The following KIF27 variants were observed in gnomAD, a reference collection of about 807,000 sequenced individuals.
KIF27 encodes the protein kinesin family member 27.
Under a neutral mutation model 141.8 loss-of-function variants are expected in KIF27, and 84 were observed. The observed-to-expected ratio is 0.59, with a 90% CI of 0.50 to 0.71. The LOEUF is 0.71. Among genes scored for constraint, KIF27 ranks in the 30% least tolerant of loss-of-function variants. KIF27 has a pLI of 0.00. For synonymous variants in KIF27, 471 were observed against 569.5 expected (o/e 0.83, Z 2.46); for missense variants, 1,306 against 1,628.4 (o/e 0.80, Z 3.41).
At chr9:83,851,795 T>C (rs1235107067) in intron 15 of KIF27, among the ~76,000 whole-genome samples, 5 of 152,144 alleles carry the variant, frequency 3.3e-5, no homozygotes, top group Non-Finnish European at 4.4e-5. Context: ...GTTCCCAGGA[T>C]CAGAAAATCC....
chr9:83,843,389 C>A (rs1946816060), intron 16 of KIF27, among the ~76,000 whole-genome samples: 1 of 150,062 alleles, frequency 6.7e-6, no homozygotes, highest in Non-Finnish European at 1.5e-5. Context: ...TGCTCTTGAA[C>A]CAGTGAAATC....
intron 11 of KIF27, among the ~76,000 whole-genome samples, chr9:83,874,300 C>T (rs938669902): frequency 2.6e-5 from 4 of 152,116 alleles, no homozygotes; most frequent in African/African-American, 9.7e-5. Flanking sequence ...TAAGATCACA[C>T]CACCACCCAC....
chr9:83,845,633 A>G (rs886783102), intron 16 of KIF27, among the ~76,000 whole-genome samples: 8 of 152,340 alleles, frequency 5.3e-5, no homozygotes, highest in South Asian at 2.1e-4. Context: ...CCTTTCTAGG[A>G]CATCCCTGAA....
chr9:83,903,386 T>TCAC lies in KIF27; in HGVS notation c.1131_1132insGTG (p.Val377dup). ...TCTCGATTGATCTGGGTAGTTTGGC[T>TCAC]GACACCAGCCTGCTGGCTTTGCAAA... On this transcript the variant is annotated inframe_insertion, in exon 4 of 18. Coordinates refer to ENST00000297814, the MANE Select transcript of KIF27 (RefSeq NM_017576.4). 1 of 1,614,116 alleles carries TCAC rather than the reference T, an allele frequency of 6.2e-7. No homozygotes were observed. Among genetic ancestry groups the TCAC allele is most frequent in the Non-Finnish European group, 8.5e-7 (1 of 1,180,032 alleles).
Position 83,842,369 on chromosome 9 carries a change from T to C in KIF27, c.3589A>G (p.Lys1197Glu). 1 of 1,529,818 alleles carries C rather than the reference T, an allele frequency of 6.5e-7. No individual in the cohort carries two copies. Among genetic ancestry groups the C allele is most frequent in the Non-Finnish European group, 8.7e-7 (1 of 1,146,424 alleles). 94.8% of individuals were successfully genotyped at this position (1,529,818 alleles called of 1,614,324 possible). ...TGCTGGATTTTATCTTCATATGTTT[T>C]GAAAGTTTCCATAATGCCTTCTCCA... is the stretch of plus-strand genomic sequence containing the variant. ...QDGEGIMETF[K>E]TYEDKIQQLE... Residue 1197 changes from lysine (K) to glutamate (E), a missense_variant, in exon 17 of 18, where the codon AAA becomes GAA. Transcript: ENST00000297814.
chr9:83,872,312 T>TCAAAA (rs764468111), intron 11 of KIF27, among the ~76,000 whole-genome samples: 43 of 152,206 alleles, frequency 2.8e-4, no homozygotes, highest in Non-Finnish European at 6.0e-4. Flanking sequence ...AGACTCCGTC[T>TCAAAA]CAAAACAAAA....
intron 16 of KIF27, chr9:83,848,042 T>TG (rs1947549987): frequency 1.8e-5 from 2 of 111,822 alleles, no homozygotes; most frequent in Non-Finnish European, 3.7e-5. Flanking sequence ...TCTATATATA[T>TG]CTACATATAT....
chr9:83,879,353 C>A (rs985633308), intron 11 of KIF27, among the ~76,000 whole-genome samples: 15 of 150,092 alleles, frequency 1.0e-4, no homozygotes, highest in Non-Finnish European at 1.5e-4. Flanking sequence ...TAGGTTATAT[C>A]CATTGTTGAA....
intron 1 of KIF27, among the ~76,000 whole-genome samples, chr9:83,918,393 T>C (rs1955920054): frequency 6.6e-6 from 1 of 151,752 alleles, no homozygotes; most frequent in South Asian, 2.1e-4. Flanking sequence ...AATTAAAAAC[T>C]TTGTGCCTCG....
At chr9:83,853,181 C>A (rs1331123719) in intron 15 of KIF27, among the ~76,000 whole-genome samples, 1 of 151,990 alleles carries the variant, frequency 6.6e-6, no homozygotes, top group Non-Finnish European at 1.5e-5. Context: ...GCCACTGATA[C>A]ACCACTTCAT....
intron 2 of KIF27, among the ~76,000 whole-genome samples, chr9:83,911,333 C>T (rs1239673935): frequency 2.0e-5 from 3 of 152,134 alleles, no homozygotes; most frequent in African/African-American, 4.8e-5. Context: ...TGGGTTCAAG[C>T]GATTCTCCTG....
chr9:83,843,022 A>C (rs1013244093), intron 16 of KIF27, among the ~76,000 whole-genome samples: 1 of 152,082 alleles, frequency 6.6e-6, no homozygotes, highest in Non-Finnish European at 1.5e-5. Context: ...GGTGTTTTCT[A>C]TAAAAAGTTC....
intron 11 of KIF27, among the ~76,000 whole-genome samples, chr9:83,873,909 G>A (rs1319414070): frequency 6.6e-5 from 10 of 151,974 alleles, no homozygotes; most frequent in African/African-American, 1.9e-4. Flanking sequence ...AAAATTAGCC[G>A]GGTGTGGTGG....
At chr9:83,845,138 A>G (rs2990910) in intron 16 of KIF27, among the ~76,000 whole-genome samples, 1 of 152,174 alleles carries the variant, frequency 6.6e-6, no homozygotes, top group East Asian at 1.9e-4. Context: ...GCCCCCCATA[A>G]GTGAATCACA....
chr9:83,872,622 G>A (rs1950889516), intron 11 of KIF27, among the ~76,000 whole-genome samples: 1 of 152,060 alleles, frequency 6.6e-6, no homozygotes, highest in Non-Finnish European at 1.5e-5. Context: ...AAAGTGTTAG[G>A]CTGTGACAAA....
intron 12 of KIF27, among the ~76,000 whole-genome samples, chr9:83,869,825 A>C (rs553461075): frequency 1.5e-3 from 232 of 152,332 alleles, no homozygotes; most frequent in African/African-American, 5.4e-3. Flanking sequence ...AAATCAACTC[A>C]TTTCTACCAA....
chr9:83,852,863 C>T (rs976718558), intron 15 of KIF27, among the ~76,000 whole-genome samples: 6 of 152,082 alleles, frequency 3.9e-5, no homozygotes, highest in African/African-American at 1.4e-4. Context: ...ACTCAGCCTC[C>T]CAAAGTGCTG....
intron 14 of KIF27, among the ~76,000 whole-genome samples, chr9:83,856,055 A>T (rs1448314795): frequency 3.3e-5 from 5 of 152,136 alleles, no homozygotes; most frequent in Non-Finnish European, 7.4e-5. Context: ...GGGATGAAAA[A>T]TTTGCCACAA....
chr9:83,862,039 A>G (rs1949971241), intron 13 of KIF27, among the ~76,000 whole-genome samples: 1 of 151,668 alleles, frequency 6.6e-6, no homozygotes, highest in African/African-American at 2.4e-5. Flanking sequence ...TTTTTCTTGT[A>G]AATTTGTTTG....
Sources: allele counts gnomAD v4.1 joint callset (sites outside exome capture counted in the v4.1 genomes callset), GRCh38; gene constraint gnomAD v4.1.1; transcripts MANE v1.5; gene names NCBI Gene and HGNC (gene_info 2026-07-23, HGNC 2026-07-21).